TBC1D8: variants seen among roughly 807,000 people sequenced by gnomAD.
TBC1D8 encodes TBC1 domain family member 8, also known as BUB2-like protein 1.
Under a neutral mutation model 118.8 loss-of-function variants are expected in TBC1D8, and 65 were observed. That is an observed-to-expected ratio of 0.55 (90% confidence interval 0.45 to 0.67). TBC1D8 has a LOEUF of 0.67. Among genes scored for constraint, TBC1D8 ranks in the 30% least tolerant of loss-of-function variants. The pLI, the probability that TBC1D8 is intolerant of heterozygous loss-of-function variation, is 0.00. For synonymous variants in TBC1D8, 566 were observed against 595.8 expected, an observed-to-expected ratio of 0.95 and a Z score of 0.73; for missense variants, 1,376 against 1,471.2, an observed-to-expected ratio of 0.94 and a Z score of 1.06.
intron 17 of TBC1D8, among the ~76,000 whole-genome samples, chr2:101,017,074 TAAAA>T (rs376317331): frequency 0.1 from 13,758 of 133,000 alleles, 827 homozygotes; most frequent in Non-Finnish European, 0.15. Context: ...TTAAAAGTAT[TAAAA>T]AAAAAAAAAA....
Position 101,032,401 on chromosome 2 carries a change from G to C in TBC1D8, c.1819-16C>G. ...TGTTCATGGACTGCTCGGGGGTCAA[G>C]GAGGGCAGTTACTGACTGGCCCATG... On this transcript the variant is annotated splice_polypyrimidine_tract_variant and intron_variant, in intron 10 of 19. Transcript: ENST00000409318. 1 of 1,607,186 alleles carries C rather than the reference G, an allele frequency of 6.2e-7. No individual in the cohort carries two copies.
chr2:101,101,900 T>A (rs1478214909), intron 1 of TBC1D8, among the ~76,000 whole-genome samples: 4 of 150,630 alleles, frequency 2.7e-5, no homozygotes, highest in African/African-American at 9.8e-5. Context: ...TGTTGGGGGG[T>A]AGGGGGTGAG....
At chr2:101,080,541 A>G (rs1456704456) in intron 2 of TBC1D8, among the ~76,000 whole-genome samples, 1 of 152,202 alleles carries the variant, frequency 6.6e-6, no homozygotes, top group African/African-American at 2.4e-5. Context: ...GGCAGGGACA[A>G]GAGAATGTGC....
At chr2:101,014,501 T>A (rs955597691) in intron 17 of TBC1D8, among the ~76,000 whole-genome samples, 4 of 152,238 alleles carry the variant, frequency 2.6e-5, no homozygotes, top group African/African-American at 9.6e-5. Flanking sequence ...CTTTTCAAAG[T>A]CATTGTCTCC....
chr2:101,059,295 T>C (rs963764337), intron 3 of TBC1D8, 126 bp downstream of exon 3: 6 of 636,934 alleles, frequency 9.4e-6, no homozygotes, highest in South Asian at 2.1e-5. Flanking sequence ...TGAAACTTAT[T>C]TGGCATTACG....
chr2:101,062,735 G>A (rs1308109222), intron 2 of TBC1D8, among the ~76,000 whole-genome samples: 4 of 152,076 alleles, frequency 2.6e-5, no homozygotes, highest in Admixed American at 6.5e-5. Flanking sequence ...TCTGCCTCCC[G>A]GGTTCAAGTG....
chr2:101,034,634 CAT>C (rs949993546), intron 9 of TBC1D8, among the ~76,000 whole-genome samples: 12 of 152,178 alleles, frequency 7.9e-5, no homozygotes, highest in Admixed American at 2.0e-4. Flanking sequence ...TCTGTGCAGG[CAT>C]GTGTGTGTGC....
At chr2:101,137,940 C>T (rs1678928456) in intron 1 of TBC1D8, among the ~76,000 whole-genome samples, 1 of 152,128 alleles carries the variant, frequency 6.6e-6, no homozygotes, top group African/African-American at 2.4e-5. Context: ...TGGGTAATTT[C>T]TAAAGAAAAG....
At chr2:101,122,631 C>CA (rs1678181215) in intron 1 of TBC1D8, among the ~76,000 whole-genome samples, 1 of 152,010 alleles carries the variant, frequency 6.6e-6, no homozygotes, top group Non-Finnish European at 1.5e-5. Context: ...GTTTCATTCC[C>CA]AAGGACAGCC....
intron 1 of TBC1D8, among the ~76,000 whole-genome samples, chr2:101,141,234 A>C (rs1272398476): frequency 1.3e-5 from 2 of 152,194 alleles, no homozygotes; most frequent in African/African-American, 4.8e-5. Context: ...AACATTAACA[A>C]GAGCTGAGTT....
At chr2:101,054,067 G>A (rs1432093759) in intron 4 of TBC1D8, 41 bp downstream of exon 4, 10 of 1,566,418 alleles carry the variant, frequency 6.4e-6, no homozygotes, top group Admixed American at 3.7e-5. Context: ...GAGTCCCTGG[G>A]GCCAACTTTA....
chr2:101,117,130 C>T (rs989727576), intron 1 of TBC1D8, among the ~76,000 whole-genome samples: 1 of 152,074 alleles, frequency 6.6e-6, no homozygotes, highest in Admixed American at 6.5e-5. Flanking sequence ...TGCCAGCCAA[C>T]CCCCAGAACC....
Position 101,022,148 on chromosome 2 carries a change from T to A in TBC1D8, c.2761+133A>T. On this transcript the variant is annotated intron_variant, in intron 16 of 19. Transcript: ENST00000409318. ...GGGCCTGCAGAGTGATATTTCAAAATCATAAGTTCATGTCAGGCCAGTCAC... is the reference window on the plus strand; with the variant it reads ...GGGCCTGCAGAGTGATATTTCAAAAACATAAGTTCATGTCAGGCCAGTCAC... 3 of 1,436,574 alleles carry A rather than the reference T, an allele frequency of 2.1e-6. No homozygotes were observed. The South Asian group carries it at 4.0e-5, about 19-fold the overall frequency. 89.0% of individuals were successfully genotyped at this position (1,436,574 alleles called of 1,614,324 possible).
intron 17 of TBC1D8, chr2:101,018,004 C>CTTG: frequency 7.0e-7 from 1 of 1,420,678 alleles, no homozygotes; most frequent in Non-Finnish European, 9.7e-7. Flanking sequence ...CGCAATTCTA[C>CTTG]TTCAAGCATG....
At chr2:101,128,805 T>C (rs1353151271) in intron 1 of TBC1D8, among the ~76,000 whole-genome samples, 1 of 152,234 alleles carries the variant, frequency 6.6e-6, no homozygotes, top group Non-Finnish European at 1.5e-5. Context: ...GATAACATTA[T>C]GCTAAGTGAA....
rs368165794 is a variant in TBC1D8 at position 101,148,801 on chromosome 2, T to C, written c.127+2326A>G. 7.2e-5 allele frequency among the ~76,000 whole-genome samples: 11 copies of C among 152,322 alleles called. No homozygotes were observed. The East Asian group carries it at 2.1e-3, about 29-fold the overall frequency. On this transcript the variant is annotated intron_variant, in intron 1 of 19. Coordinates refer to ENST00000409318, the MANE Select transcript of TBC1D8 (RefSeq NM_001330348.2). ...AAAGTCTACAACCTGCCAGAATGTG[T>C]ATCACTGTAGCCCTCATTCTTTTCA...
chr2:101,072,095 AT>A (rs1299644972), intron 2 of TBC1D8, among the ~76,000 whole-genome samples: 1 of 152,236 alleles, frequency 6.6e-6, no homozygotes, highest in Non-Finnish European at 1.5e-5. Flanking sequence ...AACCAGGTGC[AT>A]TGTCAATAAG....
intron 11 of TBC1D8, among the ~76,000 whole-genome samples, chr2:101,031,734 T>C (rs1168487449): frequency 3.3e-5 from 5 of 152,208 alleles, no homozygotes; most frequent in Non-Finnish European, 7.3e-5. Flanking sequence ...GATGTCCTTA[T>C]GGAAGTGGAG....
chr2:101,026,063 T>C (rs1680319791), intron 15 of TBC1D8, among the ~76,000 whole-genome samples: 1 of 152,224 alleles, frequency 6.6e-6, no homozygotes, highest in Admixed American at 6.5e-5. Context: ...ATCTTTCCTA[T>C]GAAACATGAA....
Sources: gnomAD v4.1 joint callset for allele counts (sites outside exome capture counted in the v4.1 genomes callset) on GRCh38, gnomAD v4.1.1 for gene constraint, MANE v1.5 for transcripts, NCBI Gene and HGNC (gene_info 2026-07-23, HGNC 2026-07-21) for gene names.